TDRD3: variants seen among roughly 807,000 people sequenced by gnomAD.
The protein encoded by TDRD3 is tudor domain-containing protein 3.
Under a neutral mutation model 86.7 loss-of-function variants are expected in TDRD3, and 45 were observed. That is an observed-to-expected ratio of 0.52 (90% CI 0.41 to 0.67). The LOEUF is 0.67. TDRD3 is among the 30% of genes least tolerant of loss of function. The pLI is 0.00. For missense variants in TDRD3, 814 were observed against 889.0 expected (o/e 0.92, Z 1.07); for synonymous variants, 298 against 301.7 (o/e 0.99, Z 0.13).
At chr13:60,551,640 T>C (rs1958055714) in intron 12 of TDRD3, among the ~76,000 whole-genome samples, 1 of 152,228 alleles carries the variant, frequency 6.6e-6, no homozygotes, top group Admixed American at 6.5e-5. Flanking sequence ...GTTAAAATTT[T>C]CTTTTCTGTT....
chr13:60,566,161 G>C (rs1958454503), intron 12 of TDRD3, among the ~76,000 whole-genome samples: 1 of 152,028 alleles, frequency 6.6e-6, no homozygotes, highest in Admixed American at 6.5e-5. Context: ...AGCAGTGTTA[G>C]AATGCAAAAC....
In TDRD3 at chr13:60,460,329, A is replaced by G. The variant is rs573709158; in HGVS notation, c.193-51A>G. On this transcript the variant is annotated intron_variant, in intron 3 of 13. Coordinates refer to ENST00000377881, the MANE Select transcript of TDRD3 (RefSeq NM_001146070.2). Reference sequence around the variant, plus strand: ...CACTATAAATGAAAACACAGCCCTGAATAGAGTTTCATGACTAGAAAGTGA... The same window carrying G: ...CACTATAAATGAAAACACAGCCCTGGATAGAGTTTCATGACTAGAAAGTGA... The G allele has an allele frequency of 4.0e-6, 6 of 1,489,526 alleles. No homozygotes were observed. The African/African-American group carries it at 4.3e-5, about 11-fold the overall frequency. The allele number at this position is 1,489,526 out of a possible 1,614,324, so 92.3% of individuals were successfully genotyped here. A position where few individuals can be genotyped will look rare whatever the true frequency, so the allele number is the denominator to read the frequency against.
At chr13:60,413,512 G>A (rs1717743630) in intron 1 of TDRD3, among the ~76,000 whole-genome samples, 1 of 152,090 alleles carries the variant, frequency 6.6e-6, no homozygotes. Flanking sequence ...CTACTTCATA[G>A]TATTGTTAGG....
intron 12 of TDRD3, among the ~76,000 whole-genome samples, chr13:60,557,206 C>CA (rs138618410): frequency 0.78 from 91,358 of 116,534 alleles, 36,348 homozygotes; most frequent in East Asian, 0.96. Flanking sequence ...AACTCTGTCT[C>CA]AAAAAAAAAA....
intron 5 of TDRD3, among the ~76,000 whole-genome samples, chr13:60,481,189 A>G (rs765521966): frequency 1.3e-5 from 2 of 152,056 alleles, no homozygotes; most frequent in South Asian, 2.1e-4. Context: ...CAACAATTCA[A>G]TTGTTTAATT....
chr13:60,488,170 G>A (rs1031273607), intron 7 of TDRD3, among the ~76,000 whole-genome samples: 2 of 152,042 alleles, frequency 1.3e-5, no homozygotes, highest in Admixed American at 6.6e-5. Flanking sequence ...TCTCCCTGAT[G>A]GGCTAAAATT....
At position 60,510,762 on chromosome 13, in the gene TDRD3, T is replaced by C; in HGVS notation, c.1141+7T>C. ...GGAACTTTGAATGTGGAAGGTAAGCTAATTTAAAGTTGATTCCTTTTTTTT... is the reference window on the plus strand; with the variant it reads ...GGAACTTTGAATGTGGAAGGTAAGCCAATTTAAAGTTGATTCCTTTTTTTT... On this transcript the variant is annotated splice_region_variant and intron_variant, in intron 10 of 13. Coordinates refer to ENST00000377881, the MANE Select transcript of TDRD3 (RefSeq NM_001146070.2). The C allele has an allele frequency of 6.5e-7, 1 of 1,528,932 alleles. No homozygotes were observed. Among genetic ancestry groups the C allele is most frequent in the Non-Finnish European group, 8.8e-7 (1 of 1,141,726 alleles). 94.7% of individuals were successfully genotyped at this position (1,528,932 alleles called of 1,614,324 possible).
At chr13:60,470,520 G>A (rs1434643494) in intron 5 of TDRD3, among the ~76,000 whole-genome samples, 4 of 151,110 alleles carry the variant, frequency 2.6e-5, no homozygotes, top group African/African-American at 7.3e-5. Context: ...CCTCACCAAC[G>A]GTTGGTATTT....
chr13:60,510,102 T>C (rs41293434), intron 9 of TDRD3, among the ~76,000 whole-genome samples, 183 bp downstream of exon 9: 10,953 of 152,220 alleles, frequency 0.072, 521 homozygotes, highest in East Asian at 0.18. Context: ...TCTTCATCTT[T>C]GTACAAAATG....
chr13:60,509,511 A>C (rs2137654619), intron 8 of TDRD3: 1 of 419,922 alleles, frequency 2.4e-6, no homozygotes, highest in Non-Finnish European at 4.3e-6. Context: ...AACATATCAT[A>C]AAATTTATTT....
At chr13:60,404,527 G>A (rs1202152430) in intron 1 of TDRD3, among the ~76,000 whole-genome samples, 6 of 151,658 alleles carry the variant, frequency 4.0e-5, no homozygotes, top group Non-Finnish European at 8.8e-5. Flanking sequence ...AGCCGGGATG[G>A]TCTCGATCTC....
chr13:60,526,437 G>T (rs1374594193), intron 10 of TDRD3, among the ~76,000 whole-genome samples: 2 of 152,078 alleles, frequency 1.3e-5, no homozygotes, highest in Non-Finnish European at 2.9e-5. Flanking sequence ...GTGCTCATTT[G>T]TGTCCTGATT....
chr13:60,426,095 T>C (rs1317742147), intron 1 of TDRD3, among the ~76,000 whole-genome samples: 1 of 152,062 alleles, frequency 6.6e-6, no homozygotes, highest in Non-Finnish European at 1.5e-5. Flanking sequence ...ATTGAGCCTT[T>C]AAAAAGAAGG....
intron 1 of TDRD3, among the ~76,000 whole-genome samples, chr13:60,429,325 C>T (rs1196496820): frequency 6.6e-6 from 1 of 152,048 alleles, no homozygotes; most frequent in Admixed American, 6.5e-5. Context: ...AGGTATTTGT[C>T]TTAACTGCCT....
chr13:60,442,736 G>A (rs1955310014), intron 2 of TDRD3, among the ~76,000 whole-genome samples: 1 of 151,910 alleles, frequency 6.6e-6, no homozygotes. Flanking sequence ...TTTTTAGCCT[G>A]ACAACAACTT....
intron 5 of TDRD3, among the ~76,000 whole-genome samples, chr13:60,477,649 A>C (rs546280281): frequency 6.6e-6 from 1 of 152,222 alleles, no homozygotes; most frequent in South Asian, 2.1e-4. Flanking sequence ...TTTGTTGTTA[A>C]TTCTGTTTAT....
intron 3 of TDRD3, among the ~76,000 whole-genome samples, chr13:60,447,917 G>C (rs1955443917): frequency 6.6e-6 from 1 of 152,098 alleles, no homozygotes; most frequent in Non-Finnish European, 1.5e-5. Flanking sequence ...GCCTTTGAAA[G>C]GGCCTCACCC....
chr13:60,410,585 T>C (rs535853245), intron 1 of TDRD3, among the ~76,000 whole-genome samples: 17 of 152,300 alleles, frequency 1.1e-4, no homozygotes, highest in African/African-American at 3.8e-4. Flanking sequence ...CTCCTAGGAA[T>C]TGGCCACGAT....
intron 4 of TDRD3, among the ~76,000 whole-genome samples, chr13:60,463,535 T>C (rs1955848758): frequency 6.6e-6 from 1 of 151,924 alleles, no homozygotes; most frequent in South Asian, 2.1e-4. Context: ...CTAAAAAGCT[T>C]CTGCACAGCA....
Sources: gnomAD v4.1 joint callset for allele counts (sites outside exome capture counted in the v4.1 genomes callset) on GRCh38, gnomAD v4.1.1 for gene constraint, MANE v1.5 for transcripts, NCBI Gene and HGNC (gene_info 2026-07-23, HGNC 2026-07-21) for gene names.